NECAB1: variants seen among roughly 807,000 people sequenced by gnomAD.
The protein encoded by NECAB1 is N-terminal EF-hand calcium-binding protein 1.
Under a neutral mutation model 57.5 loss-of-function variants are expected in NECAB1, and 29 were observed. The observed-to-expected ratio is 0.50, with a 90% confidence interval of 0.38 to 0.69. The LOEUF (loss-of-function observed/expected upper bound fraction) is 0.69, where lower values mean the gene tolerates loss of function less well. NECAB1 is among the 30% of genes least tolerant of loss of function. The probability of loss-of-function intolerance (pLI) is 0.00; values close to 1 mark genes in which losing one functional copy is unlikely to be tolerated. For synonymous variants in NECAB1, 142 were observed against 147.7 expected (o/e 0.96, Z 0.28); for missense variants, 372 against 413.8 (o/e 0.90, Z 0.88).
At chr8:90,808,310 C>G (rs925789993) in intron 2 of NECAB1, among the ~76,000 whole-genome samples, 3 of 152,152 alleles carry the variant, frequency 2.0e-5, no homozygotes, top group Non-Finnish European at 4.4e-5. Context: ...TGGTTGTCAT[C>G]CCAGCCTTCC....
At chr8:90,870,045 G>C (rs145791245) in intron 3 of NECAB1, among the ~76,000 whole-genome samples, 1 of 152,162 alleles carries the variant, frequency 6.6e-6, no homozygotes, top group Non-Finnish European at 1.5e-5. Context: ...CTGGTTCTTT[G>C]AAAGTGTGTA....
intron 3 of NECAB1, among the ~76,000 whole-genome samples, chr8:90,843,137 C>G (rs1347634864): frequency 1.3e-5 from 2 of 152,138 alleles, no homozygotes; most frequent in Non-Finnish European, 2.9e-5. Context: ...TTTATAAAAC[C>G]ATCAGATCTT....
At chr8:90,822,854 T>C (rs1323150820) in intron 2 of NECAB1, among the ~76,000 whole-genome samples, 1 of 146,088 alleles carries the variant, frequency 6.8e-6, no homozygotes, top group Non-Finnish European at 1.5e-5. Context: ...TTCTGTTTTT[T>C]CTTTTTTCTT....
chr8:90,873,558 C>T (rs1808659171), intron 4 of NECAB1, among the ~76,000 whole-genome samples: 1 of 152,188 alleles, frequency 6.6e-6, no homozygotes, highest in Non-Finnish European at 1.5e-5. Context: ...AGGTAGCAGA[C>T]CCATTTCCCT....
chr8:90,851,037 G>T (rs916835792), intron 3 of NECAB1, among the ~76,000 whole-genome samples: 8 of 152,116 alleles, frequency 5.3e-5, no homozygotes, highest in African/African-American at 1.7e-4. Context: ...GTCACCAAGG[G>T]TCAATGATTT....
At chr8:90,876,819 T>C (rs981017063) in intron 4 of NECAB1, among the ~76,000 whole-genome samples, 1 of 152,236 alleles carries the variant, frequency 6.6e-6, no homozygotes, top group Non-Finnish European at 1.5e-5. Context: ...TTTTCAATGA[T>C]ACTTCATTTA....
chr8:90,949,198 C>CAAAG (rs1810876350), intron 10 of NECAB1, among the ~76,000 whole-genome samples: 1 of 67,106 alleles, frequency 1.5e-5, no homozygotes, highest in Non-Finnish European at 3.2e-5. Context: ...GTGTGTGTGT[C>CAAAG]AGAGGGAGAG....
chr8:90,829,078 A>C (rs1428654511), intron 3 of NECAB1, among the ~76,000 whole-genome samples: 1 of 151,948 alleles, frequency 6.6e-6, no homozygotes, highest in African/African-American at 2.4e-5. Context: ...AGTGAGCCTT[A>C]TTGCACCCTT....
chr8:90,846,623 A>T (rs979929450), intron 3 of NECAB1, among the ~76,000 whole-genome samples: 2 of 152,232 alleles, frequency 1.3e-5, no homozygotes, highest in African/African-American at 4.8e-5. Flanking sequence ...CTAATAAAGA[A>T]ATACCCAAAC....
intron 5 of NECAB1, among the ~76,000 whole-genome samples, chr8:90,907,145 T>TGAGAGAGAGAGAGAGA (rs1455170539): frequency 1.1e-4 from 11 of 104,220 alleles, no homozygotes; most frequent in African/African-American, 5.4e-4. Flanking sequence ...TGTGTGTGTG[T>TGAGAGAGAGAGAGAGA]GTGTGTGAGA....
At chr8:90,939,022 T>C (rs776865091) in intron 9 of NECAB1, among the ~76,000 whole-genome samples, 12 of 152,278 alleles carry the variant, frequency 7.9e-5, no homozygotes, top group South Asian at 4.1e-4. Flanking sequence ...TCCTCTAATA[T>C]AGGGGTTGGC....
chr8:90,833,644 T>C (rs1041493006), intron 3 of NECAB1, among the ~76,000 whole-genome samples: 1 of 152,184 alleles, frequency 6.6e-6, no homozygotes, highest in Non-Finnish European at 1.5e-5. Context: ...AGATGAATGA[T>C]TTATTCACAT....
At position 90,854,675 on chromosome 8, in the gene NECAB1, T is replaced by C. The variant is rs1447956016; in HGVS notation, c.234-17453T>C. Among the ~76,000 whole-genome samples, 3 of 152,332 alleles carry C rather than the reference T, an allele frequency of 2.0e-5. No individual in the cohort carries two copies. The East Asian group carries it at 5.8e-4, about 29-fold the overall frequency. On this transcript the variant is annotated intron_variant, in intron 3 of 12. Transcript: ENST00000417640. ...TCAGTGAGCAAATACTCCAAAGCTA[T>C]GTGGTTATCTAAAACTACTCTAGCC...
Position 90,940,835 on chromosome 8 carries a change from A to T in NECAB1, c.797A>T (p.Glu266Val), listed in dbSNP as rs1305220975. ...ATGTCTGTGATAGAAGAGGACCTGGAAGAATTCCAGCTCGCTCTGAAACAC... is the reference window on the plus strand; with the variant it reads ...ATGTCTGTGATAGAAGAGGACCTGGTAGAATTCCAGCTCGCTCTGAAACAC... ...RQMSVIEEDL[E>V]EFQLALKHYV... Residue 266 changes from glutamate to valine, a missense_variant, in exon 10 of 13, where the codon GAA becomes GTA. Transcript: ENST00000417640. The T allele has an allele frequency of 7.0e-6, 11 of 1,565,244 alleles. No individual in the cohort carries two copies. The highest frequency in any genetic ancestry group is 9.5e-6 in the Non-Finnish European group (11 of 1,154,564).
At chr8:90,825,044 T>A (rs770799882) in intron 3 of NECAB1, 3 of 313,436 alleles carry the variant, frequency 9.6e-6, no homozygotes, top group Admixed American at 4.9e-5. Flanking sequence ...TCCCCTGAAG[T>A]GTTTTTAGAT....
chr8:90,947,097 T>A (rs1192875021), intron 10 of NECAB1, among the ~76,000 whole-genome samples: 1 of 152,150 alleles, frequency 6.6e-6, no homozygotes, highest in Non-Finnish European at 1.5e-5. Context: ...CCACCATTAA[T>A]ACTTATATTA....
At chr8:90,872,930 A>G (rs1033764168) in intron 4 of NECAB1, among the ~76,000 whole-genome samples, 1 of 152,214 alleles carries the variant, frequency 6.6e-6, no homozygotes, top group Admixed American at 6.5e-5. Flanking sequence ...AGAACTCCTC[A>G]TTGAAACTAT....
At chr8:90,887,053 A>T (rs1809015164) in intron 5 of NECAB1, among the ~76,000 whole-genome samples, 1 of 152,178 alleles carries the variant, frequency 6.6e-6, no homozygotes, top group African/African-American at 2.4e-5. Context: ...TAATTTTTGT[A>T]TACACATTTG....
At chr8:90,818,583 C>T (rs1423167447) in intron 2 of NECAB1, among the ~76,000 whole-genome samples, 1 of 151,974 alleles carries the variant, frequency 6.6e-6, no homozygotes, top group Non-Finnish European at 1.5e-5. Flanking sequence ...ACAAGAAGTC[C>T]ACTGTAACTG....
Sources: gnomAD v4.1 joint callset for allele counts (sites outside exome capture counted in the v4.1 genomes callset) on GRCh38, gnomAD v4.1.1 for gene constraint, MANE v1.5 for transcripts, NCBI Gene and HGNC (gene_info 2026-07-23, HGNC 2026-07-21) for gene names.